GRID2: variants seen among roughly 807,000 people sequenced by gnomAD.
GRID2 encodes the protein glutamate receptor ionotropic, delta-2.
GRID2 carries 33 observed loss-of-function variants against 114.8 expected under a neutral mutation model. The ratio of observed to expected loss-of-function variants is 0.29; its 90% confidence interval spans 0.22 to 0.38. The LOEUF (loss-of-function observed/expected upper bound fraction) is 0.38, where lower values mean the gene tolerates loss of function less well. GRID2 is among the 10% of genes least tolerant of loss of function. The probability of loss-of-function intolerance (pLI) is 1.00; values close to 1 mark genes in which losing one functional copy is unlikely to be tolerated. For missense variants in GRID2, 1,184 were observed against 1,257.7 expected, an observed-to-expected ratio of 0.94 and a Z score of 0.89; for synonymous variants, 505 against 449.9, an observed-to-expected ratio of 1.12 and a Z score of -1.55.
At chr4:92,949,472 T>G (rs562295920) in intron 2 of GRID2, among the ~76,000 whole-genome samples, 59 of 152,130 alleles carry the variant, frequency 3.9e-4, no homozygotes, top group Non-Finnish European at 7.4e-4. Flanking sequence ...ACCTTTACAT[T>G]TTAAGAAGTG....
intron 2 of GRID2, among the ~76,000 whole-genome samples, chr4:92,811,947 T>C (rs928429224): frequency 1.1e-4 from 17 of 152,110 alleles, no homozygotes; most frequent in Admixed American, 6.6e-4. Context: ...TGAAAGGCAG[T>C]ACCAGTAAGG....
intron 8 of GRID2, among the ~76,000 whole-genome samples, chr4:93,323,955 G>A (rs896740622): frequency 6.6e-6 from 1 of 152,058 alleles, no homozygotes; most frequent in Admixed American, 6.6e-5. Flanking sequence ...GGGCTGAGAC[G>A]ATGGGGTTTT....
intron 1 of GRID2, among the ~76,000 whole-genome samples, chr4:92,409,642 C>A (rs1329914681): frequency 6.6e-6 from 1 of 152,012 alleles, no homozygotes; most frequent in African/African-American, 2.4e-5. Flanking sequence ...AATAAGTAAA[C>A]TAATGTTAAA....
In GRID2 at chr4:93,341,267, T is replaced by C. The variant is rs115967109; in HGVS notation, c.1246-54340T>C. Among the ~76,000 whole-genome samples, 561 of 152,206 alleles carry C rather than the reference T, an allele frequency of 3.7e-3. 1 individual carries two copies. Among genetic ancestry groups the C allele is most frequent in the African/African-American group, 0.013 (534 of 41,554 alleles). The stretch of plus-strand genomic sequence containing the variant: ...CAGCATGTCTTCCATTTTGCTTATT[T>C]CTAAAACTTTTTTTTCCCCTTTAAA... On this transcript the variant is annotated intron_variant, in intron 8 of 15. Transcript: ENST00000282020.
At chr4:93,575,088 G>A (rs1479921540) in intron 13 of GRID2, among the ~76,000 whole-genome samples, 1 of 152,132 alleles carries the variant, frequency 6.6e-6, no homozygotes, top group Non-Finnish European at 1.5e-5. Flanking sequence ...TATTCCAAGA[G>A]AAACTCAAGT....
chr4:93,239,171 AAT>A (rs10596123), intron 8 of GRID2, among the ~76,000 whole-genome samples: 92,725 of 144,736 alleles, frequency 0.64, 29,915 homozygotes, highest in Middle Eastern at 0.78. Flanking sequence ...TGATATATAT[AAT>A]ATATATATAT....
intron 9 of GRID2, among the ~76,000 whole-genome samples, chr4:93,412,231 C>A (rs565576034): frequency 9.3e-4 from 126 of 135,768 alleles, no homozygotes; most frequent in Middle Eastern, 3.7e-3. Flanking sequence ...AAGACCCATC[C>A]CCCCCCCCCA....
chr4:92,642,696 A>G (rs1334039724), intron 2 of GRID2, among the ~76,000 whole-genome samples: 2 of 151,520 alleles, frequency 1.3e-5, no homozygotes, highest in Non-Finnish European at 2.9e-5. Flanking sequence ...TTTTGTTGCA[A>G]TTGCTTTTGG....
At chr4:93,753,147 G>A (rs570202470) in intron 14 of GRID2, among the ~76,000 whole-genome samples, 1 of 152,292 alleles carries the variant, frequency 6.6e-6, no homozygotes, top group South Asian at 2.1e-4. Flanking sequence ...CCTACAGGCA[G>A]CCTTCACCCA....
At chr4:92,518,737 T>C (rs77428385) in intron 1 of GRID2, among the ~76,000 whole-genome samples, 3 of 151,904 alleles carry the variant, frequency 2.0e-5, no homozygotes, top group Admixed American at 6.6e-5. Context: ...ATAAAAGGTA[T>C]TGACCTTTAA....
chr4:93,765,604 GGTATT>G (rs1311481522), intron 14 of GRID2, among the ~76,000 whole-genome samples: 25 of 86,802 alleles, frequency 2.9e-4, no homozygotes, highest in African/African-American at 1.4e-3. Context: ...AAATAGGTGA[GGTATT>G]ATATATATAT....
chr4:92,941,130 T>C (rs1751090017), intron 2 of GRID2, among the ~76,000 whole-genome samples: 1 of 152,192 alleles, frequency 6.6e-6, no homozygotes, highest in African/African-American at 2.4e-5. Flanking sequence ...TTGGAATAGT[T>C]TCAGAAGGAA....
chr4:92,588,678 CAAAAAAAAAAAA>C (rs1209254541), intron 1 of GRID2, among the ~76,000 whole-genome samples: 7 of 70,340 alleles, frequency 1.0e-4, no homozygotes, highest in African/African-American at 3.4e-4. Flanking sequence ...GACTCCGTCT[CAAAAAAAAAAAA>C]AAAAAAAAAA....
At chr4:93,375,457 C>T (rs770653244) in intron 8 of GRID2, among the ~76,000 whole-genome samples, 4 of 152,024 alleles carry the variant, frequency 2.6e-5, no homozygotes, top group Non-Finnish European at 4.4e-5. Flanking sequence ...ATAATCTGCC[C>T]ACTTCATTTT....
intron 8 of GRID2, among the ~76,000 whole-genome samples, chr4:93,249,943 C>G (rs1403328369): frequency 6.6e-6 from 1 of 152,102 alleles, no homozygotes; most frequent in Non-Finnish European, 1.5e-5. Flanking sequence ...GTGGTGATTC[C>G]TCAAGGATAT....
chr4:92,308,221 T>C (rs1725514631), intron 1 of GRID2, among the ~76,000 whole-genome samples: 1 of 152,186 alleles, frequency 6.6e-6, no homozygotes, highest in African/African-American at 2.4e-5. Context: ...GTTTGTGTTT[T>C]GCTTCATATC....
At chr4:92,943,454 AT>A (rs1751342279) in intron 2 of GRID2, among the ~76,000 whole-genome samples, 3 of 151,950 alleles carry the variant, frequency 2.0e-5, no homozygotes, top group Admixed American at 1.3e-4. Context: ...ACTTCTCTGC[AT>A]TGGTTATTTT....
intron 2 of GRID2, among the ~76,000 whole-genome samples, chr4:92,894,949 C>A (rs914967273): frequency 6.6e-5 from 10 of 151,970 alleles, no homozygotes; most frequent in African/African-American, 2.4e-4. Flanking sequence ...ATGCACTGTA[C>A]GGCCATAATT....
intron 2 of GRID2, among the ~76,000 whole-genome samples, chr4:93,078,950 A>G (rs1487101151): frequency 6.8e-6 from 1 of 147,956 alleles, no homozygotes; most frequent in Non-Finnish European, 1.5e-5. Context: ...ATGAAAATAT[A>G]TAAATTATAT....
Sources: allele counts gnomAD v4.1 joint callset (sites outside exome capture counted in the v4.1 genomes callset), GRCh38; gene constraint gnomAD v4.1.1; transcripts MANE v1.5; gene names NCBI Gene and HGNC (gene_info 2026-07-23, HGNC 2026-07-21).